Variants in CCDC30 observed in about 807,000 individuals in gnomAD.
CCDC30 encodes coiled-coil domain-containing protein 30.
CCDC30 carries 70 observed loss-of-function variants against 100.2 expected under a neutral mutation model. The ratio of observed to expected loss-of-function variants is 0.70; its 90% CI spans 0.58 to 0.85. CCDC30 has a LOEUF of 0.85. Ranked by LOEUF, CCDC30 falls within the 40% of genes least tolerant of loss-of-function variation. The pLI is 0.00. For missense variants in CCDC30, 652 were observed against 771.2 expected (o/e 0.85, Z 1.83); for synonymous variants, 233 against 269.5 (o/e 0.86, Z 1.33).
At chr1:42,568,751 G>A (rs1480627780) in intron 7 of CCDC30, among the ~76,000 whole-genome samples, 2 of 144,776 alleles carry the variant, frequency 1.4e-5, no homozygotes, top group African/African-American at 5.2e-5. Context: ...CTAACATGGC[G>A]AAACCCCATC....
At chr1:42,650,307 A>T (rs1441089658) in intron 15 of CCDC30, among the ~76,000 whole-genome samples, 1 of 151,934 alleles carries the variant, frequency 6.6e-6, no homozygotes, top group African/African-American at 2.4e-5. Flanking sequence ...CAGGAGTTCA[A>T]GACCAACATT....
At chr1:42,456,513 G>A in the CCDC30 span, 3 of 1,431,914 alleles carry the variant, frequency 2.1e-6, no homozygotes, top group Non-Finnish European at 2.7e-6. Context: ...GGCGAGAAGG[G>A]GCGTGGCGCG....
intron 11 of CCDC30, among the ~76,000 whole-genome samples, chr1:42,624,675 T>C (rs1646900300): frequency 6.6e-6 from 1 of 152,138 alleles, no homozygotes; most frequent in Admixed American, 6.5e-5. Context: ...GATGGAGTCT[T>C]GCTATGTTAT....
intron 11 of CCDC30, among the ~76,000 whole-genome samples, chr1:42,611,543 T>C (rs1381321312): frequency 6.8e-6 from 1 of 146,638 alleles, no homozygotes; most frequent in East Asian, 1.9e-4. Context: ...ACTTATATAT[T>C]CTCTCTTTCT....
chr1:42,644,256 A>C (rs1647689657), intron 13 of CCDC30, among the ~76,000 whole-genome samples: 3 of 152,182 alleles, frequency 2.0e-5, no homozygotes, highest in Non-Finnish European at 2.9e-5. Context: ...AAAACTGAAG[A>C]ACTCAGAATC....
intron 7 of CCDC30, among the ~76,000 whole-genome samples, chr1:42,568,757 C>G (rs960843880): frequency 1.3e-5 from 2 of 150,312 alleles, no homozygotes; most frequent in African/African-American, 4.9e-5. Context: ...TGGCGAAACC[C>G]CATCTCTACT....
chr1:42,581,427 A>C (rs1329301074), exon 9 of CCDC30: 4 of 1,613,904 alleles, frequency 2.5e-6, no homozygotes, highest in African/African-American at 2.7e-5. Flanking sequence ...TGTATTTCAG[A>C]GAAGCAGCAG....
intron 6 of CCDC30, among the ~76,000 whole-genome samples, chr1:42,532,435 AC>A (rs1269875985): frequency 6.6e-6 from 1 of 152,232 alleles, no homozygotes; most frequent in African/African-American, 2.4e-5. Flanking sequence ...CAGACTTATC[AC>A]TAAATAGACC....
chr1:42,509,665 T>C (rs1223410197), intron 6 of CCDC30, among the ~76,000 whole-genome samples: 1 of 152,166 alleles, frequency 6.6e-6, no homozygotes, highest in African/African-American at 2.4e-5. Context: ...GCTTATGAGG[T>C]CCTGGGCCTG....
intron 1 of CCDC30, among the ~76,000 whole-genome samples, chr1:42,472,802 A>G (rs566351094): frequency 6.6e-6 from 1 of 152,346 alleles, no homozygotes; most frequent in South Asian, 2.1e-4. Flanking sequence ...AGTAAAATAT[A>G]CATTGTAGAG....
intron 6 of CCDC30, among the ~76,000 whole-genome samples, chr1:42,515,437 A>T (rs1644540663): frequency 6.6e-6 from 1 of 152,158 alleles, no homozygotes; most frequent in Non-Finnish European, 1.5e-5. Flanking sequence ...CCTTTGGGAG[A>T]TGATTTGGCA....
intron 3 of CCDC30, among the ~76,000 whole-genome samples, chr1:42,485,745 A>G (rs1166540440): frequency 1.3e-5 from 2 of 152,214 alleles, no homozygotes; most frequent in Non-Finnish European, 2.9e-5. Flanking sequence ...AGCACCTCCC[A>G]TCATAAAAAT....
chr1:42,553,649 C>CCA (rs546075264), intron 6 of CCDC30, among the ~76,000 whole-genome samples: 1 of 49,938 alleles, frequency 2.0e-5, no homozygotes, highest in Admixed American at 2.4e-4. Flanking sequence ...AGGTGAGATT[C>CCA]CATACACACA....
At chr1:42,494,813 C>CT (rs1644204531) in intron 4 of CCDC30, among the ~76,000 whole-genome samples, 1 of 109,096 alleles carries the variant, frequency 9.2e-6, no homozygotes, top group Non-Finnish European at 1.9e-5. Flanking sequence ...GAGATACCAT[C>CT]TCACACCAGT....
chr1:42,653,984 G>A (rs867952682), exon 17 of CCDC30: 1 of 1,614,030 alleles, frequency 6.2e-7, no homozygotes, highest in Admixed American at 1.7e-5. Flanking sequence ...TTCTCTGAAG[G>A]AGACACATGG....
chr1:42,508,529 G>A (rs1397564355), intron 6 of CCDC30, among the ~76,000 whole-genome samples: 1 of 152,188 alleles, frequency 6.6e-6, no homozygotes, highest in African/African-American at 2.4e-5. Context: ...CTCTCATAAT[G>A]CAAAGTAATT....
At chr1:42,520,423 C>A (rs1013870493) in intron 6 of CCDC30, among the ~76,000 whole-genome samples, 1 of 151,612 alleles carries the variant, frequency 6.6e-6, no homozygotes, top group Non-Finnish European at 1.5e-5. Context: ...CCTCCACCTC[C>A]CAGATTCAAG....
intron 15 of CCDC30, among the ~76,000 whole-genome samples, chr1:42,646,665 C>T (rs1326762271): frequency 6.6e-6 from 1 of 152,170 alleles, no homozygotes; most frequent in Non-Finnish European, 1.5e-5. Flanking sequence ...GGCATGAGCC[C>T]CTAGACAGCC....
chr1:42,456,587 G>C, the CCDC30 span: 6 of 1,498,046 alleles, frequency 4.0e-6, no homozygotes, highest in African/African-American at 1.4e-5. Flanking sequence ...GGATCCGGTA[G>C]CCGAGTTCCC....
Sources: gnomAD v4.1 joint callset for allele counts (sites outside exome capture counted in the v4.1 genomes callset) on GRCh38, gnomAD v4.1.1 for gene constraint, MANE v1.5 for transcripts, NCBI Gene and HGNC (gene_info 2026-07-23, HGNC 2026-07-21) for gene names.